GORASP2: variants seen among roughly 807,000 people sequenced by gnomAD.
GORASP2 encodes the protein Golgi reassembly-stacking protein 2.
Under a neutral mutation model 45.7 loss-of-function variants are expected in GORASP2, and 22 were observed. The observed-to-expected ratio is 0.48, with a 90% CI of 0.34 to 0.69. The LOEUF (loss-of-function observed/expected upper bound fraction) is 0.69. Ranked by LOEUF, GORASP2 falls within the 30% of genes least tolerant of loss-of-function variation. The pLI is 0.01. For synonymous variants in GORASP2, 221 were observed against 215.6 expected (o/e 1.02, Z -0.22); for missense variants, 491 against 562.7 (o/e 0.87, Z 1.29).
At chr2:170,936,481 A>C in intron 1 of GORASP2, 1 of 357,894 alleles carries the variant, frequency 2.8e-6, no homozygotes, top group Non-Finnish European at 5.5e-6. Context: ...TGGCTTCCCA[A>C]AGTGTTGGGA....
At chr2:170,962,784 A>C (rs577148735) in intron 8 of GORASP2, 55 bp from the exon 9 acceptor site, 1 of 1,194,182 alleles carries the variant, frequency 8.4e-7, no homozygotes, top group South Asian at 1.2e-5. Flanking sequence ...ACGAGGATTT[A>C]TTTCTTCCCC....
chr2:170,965,209 C>G (rs1013577578), intron 9 of GORASP2, among the ~76,000 whole-genome samples: 1 of 152,156 alleles, frequency 6.6e-6, no homozygotes, highest in South Asian at 2.1e-4. Context: ...GCCACCACGC[C>G]TGGCCTTGCA....
rs1704694811 is a variant in GORASP2, at chr2:170,966,644, C to T, written c.*514C>T. ...ACTAAGGTTTACACAGGAATTCCACCTGAAGACTTGTGTTAAAGTTCTACA... is the reference window on the plus strand; with the variant it reads ...ACTAAGGTTTACACAGGAATTCCACTTGAAGACTTGTGTTAAAGTTCTACA... On this transcript the variant is annotated 3_prime_UTR_variant, in exon 10 of 10. Coordinates refer to ENST00000234160, the MANE Select transcript of GORASP2 (RefSeq NM_015530.5). 1 of 168,202 alleles carries T rather than the reference C, an allele frequency of 5.9e-6. No individual in the cohort carries two copies. Among genetic ancestry groups the T allele is most frequent in the South Asian group, 1.5e-4 (1 of 6,806 alleles). The allele number at this position is 168,202 out of a possible 1,614,324, so 10.4% of individuals were successfully genotyped here.
chr2:170,958,916 C>A (rs985549412), intron 7 of GORASP2, among the ~76,000 whole-genome samples: 1 of 152,018 alleles, frequency 6.6e-6, no homozygotes, highest in Non-Finnish European at 1.5e-5. Flanking sequence ...GTGACCCGCC[C>A]GCCTCTGCTG....
chr2:170,956,477 A>T lies in GORASP2; in HGVS notation c.741A>T (p.Pro247=). The change falls in exon 7 of 10, where the codon CCA becomes CCT. Residue 247 remains proline, a synonymous_variant. Coordinates refer to ENST00000234160, the MANE Select transcript of GORASP2 (RefSeq NM_015530.5). The stretch of plus-strand genomic sequence containing the variant: ...TTAATCCCCCGTCTTTGTCACCACC[A>T]GGAACTACAGGAATTGAACAGAGTC... ...SSVNPPSLSP[P]GTTGIEQSLT... 6.8e-6 allele frequency: 11 copies of T among 1,613,236 alleles called. No individual in the cohort carries two copies. The highest frequency in any genetic ancestry group is 9.3e-6 in the Non-Finnish European group (11 of 1,179,400).
chr2:170,930,049 C>T, intron 1 of GORASP2: 1 of 263,500 alleles, frequency 3.8e-6, no homozygotes, highest in South Asian at 3.1e-5. Context: ...TGGGAACTTC[C>T]GTTCTGTTCC....
intron 1 of GORASP2, among the ~76,000 whole-genome samples, chr2:170,941,247 A>G (rs575387171): frequency 9.2e-5 from 14 of 152,252 alleles, no homozygotes; most frequent in African/African-American, 3.4e-4. Flanking sequence ...TGTTTTGGTA[A>G]TATATCTTTT....
chr2:170,939,239 A>G (rs779922587), intron 1 of GORASP2, among the ~76,000 whole-genome samples: 8 of 152,202 alleles, frequency 5.3e-5, no homozygotes, highest in Non-Finnish European at 1.0e-4. Context: ...AGTTGCCATT[A>G]CAATTTTATT....
intron 1 of GORASP2, among the ~76,000 whole-genome samples, chr2:170,935,316 G>A (rs1215937606): frequency 6.6e-6 from 1 of 151,584 alleles, no homozygotes; most frequent in Admixed American, 6.6e-5. Flanking sequence ...GTGCAGTGGC[G>A]CGATCTCAGC....
At position 170,954,757 on chromosome 2, in the gene GORASP2, C is replaced by T. The variant is rs149720998; in HGVS notation, c.674C>T (p.Thr225Ile). Residue 225 changes from threonine to isoleucine, a missense_variant, in exon 6 of 10, where the codon ACA (threonine) becomes ATA (isoleucine). By Grantham distance (89) the Thr-to-Ile change is moderately conservative (BLOSUM62 -1). This residue lies in a region of GORASP2 where 297 missense variants were observed against 292.3 expected (regional missense o/e 1.02). Coordinates refer to ENST00000234160, the MANE Select transcript of GORASP2 (RefSeq NM_015530.5). ...GGACAAATGGCTGGTACACCTATTA[C>T]ACCTCTTAAAGATGGGTTTACAGAG... ...LPGQMAGTPI[T>I]PLKDGFTEVQ... 5 of 1,613,492 alleles carry T rather than the reference C, an allele frequency of 3.1e-6. No homozygotes were observed. Among genetic ancestry groups the T allele is most frequent in the Non-Finnish European group, 4.2e-6 (5 of 1,179,560 alleles).
chr2:170,942,868 T>G (rs368960884), intron 1 of GORASP2, among the ~76,000 whole-genome samples: 1 of 152,210 alleles, frequency 6.6e-6, no homozygotes, highest in South Asian at 2.1e-4. Flanking sequence ...TTGCCAATGC[T>G]TGTTACTCTC....
intron 1 of GORASP2, among the ~76,000 whole-genome samples, chr2:170,942,124 T>C (rs1466572801): frequency 6.6e-6 from 1 of 152,248 alleles, no homozygotes; most frequent in African/African-American, 2.4e-5. Flanking sequence ...TTCATATTTA[T>C]AGATCACTTC....
chr2:170,930,249 G>C (rs1206999673), intron 1 of GORASP2, among the ~76,000 whole-genome samples: 1 of 152,228 alleles, frequency 6.6e-6, no homozygotes, highest in Admixed American at 6.5e-5. Flanking sequence ...CCTGGGCCTG[G>C]GTGGTACAAA....
At chr2:170,951,247 G>A in intron 4 of GORASP2, 81 bp from the exon 5 acceptor site, 2 of 1,078,152 alleles carry the variant, frequency 1.9e-6, no homozygotes, top group Non-Finnish European at 2.7e-6. Flanking sequence ...GATTTCTCAG[G>A]TGATTCTGAT....
intron 7 of GORASP2, among the ~76,000 whole-genome samples, chr2:170,959,923 G>C (rs955073146): frequency 6.1e-5 from 9 of 148,204 alleles, no homozygotes; most frequent in African/African-American, 2.0e-4. Flanking sequence ...CTGGGTTCAA[G>C]TGATTCTCCT....
At chr2:170,930,008 C>T (rs1246773348) in intron 1 of GORASP2, 3 of 308,240 alleles carry the variant, frequency 9.7e-6, no homozygotes, top group Non-Finnish European at 2.0e-5. Flanking sequence ...CCACTCCTGA[C>T]CCTCCCAAAC....
chr2:170,928,649 CAATCCTCT>C (rs1703736222), upstream of GORASP2: 1 of 152,052 alleles, frequency 6.6e-6, no homozygotes, highest in Non-Finnish European at 1.5e-5. Flanking sequence ...TGATTATGAC[CAATCCTCT>C]AATCTTATTC....
At chr2:170,962,553 G>A (rs541987805) in intron 8 of GORASP2, among the ~76,000 whole-genome samples, 3 of 152,144 alleles carry the variant, frequency 2.0e-5, no homozygotes, top group Non-Finnish European at 4.4e-5. Context: ...TCTCCAAGGC[G>A]CTCGGGCCAT....
intron 7 of GORASP2, among the ~76,000 whole-genome samples, chr2:170,961,186 CT>C (rs1164811980): frequency 1.3e-5 from 2 of 152,228 alleles, no homozygotes; most frequent in African/African-American, 4.8e-5. Context: ...TTCATCTGCT[CT>C]TTTGTCTCTT....
Sources: allele counts gnomAD v4.1 joint callset (sites outside exome capture counted in the v4.1 genomes callset), GRCh38; gene constraint gnomAD v4.1.1; regional missense constraint gnomAD v4.1.1; transcripts MANE v1.5; gene names NCBI Gene and HGNC (gene_info 2026-07-23, HGNC 2026-07-21).